Variants in MAP3K11 observed in about 807,000 individuals in gnomAD.
The protein encoded by MAP3K11 is mitogen-activated protein kinase kinase kinase 11, also known as SH3 domain-containing proline-rich kinase.
MAP3K11 carries 46 observed loss-of-function variants against 84.9 expected under a neutral mutation model. The ratio of observed to expected loss-of-function variants is 0.54; its 90% confidence interval spans 0.43 to 0.69. The LOEUF (loss-of-function observed/expected upper bound fraction) is 0.69, where lower values mean the gene tolerates loss of function less well. Among genes scored for constraint, MAP3K11 ranks in the 30% least tolerant of loss-of-function variants. The pLI, the probability that MAP3K11 is intolerant of heterozygous loss-of-function variation, is 0.00. For synonymous variants in MAP3K11, 527 were observed against 514.7 expected (o/e 1.02, Z -0.32); for missense variants, 1,053 against 1,198.3 (o/e 0.88, Z 1.79).
At chr11:65,609,843 G>T (rs1370661716) in intron 1 of MAP3K11, 1 of 152,262 alleles carries the variant, frequency 6.6e-6, no homozygotes, top group Non-Finnish European at 1.5e-5. Context: ...CAGAACCAGG[G>T]TGCTCATTTT....
intron 5 of MAP3K11, 24 bp downstream of exon 5, chr11:65,607,246 G>T (rs1439431876): frequency 6.8e-7 from 1 of 1,465,198 alleles, no homozygotes; most frequent in South Asian, 1.3e-5. Context: ...AATGGCGGGG[G>T]ACGCCCCGGG....
chr11:65,607,877 G>A, intron 3 of MAP3K11, 45 bp downstream of exon 3: 1 of 1,608,832 alleles, frequency 6.2e-7, no homozygotes. Context: ...GATGTGTCCT[G>A]GGCCAGGGAG....
At chr11:65,598,698 G>T in intron 9 of MAP3K11, 70 bp from the exon 10 acceptor site, 1 of 1,185,554 alleles carries the variant, frequency 8.4e-7, no homozygotes, top group Non-Finnish European at 1.1e-6. Flanking sequence ...ACACTGTCCT[G>T]CTCTGGGCCT....
chr11:65,599,198 T>A (rs1204492199), intron 9 of MAP3K11, among the ~76,000 whole-genome samples, 196 bp downstream of exon 9: 6 of 152,158 alleles, frequency 3.9e-5, no homozygotes, highest in African/African-American at 1.4e-4. Flanking sequence ...CGCCCCCACC[T>A]GCCTGGACCA....
intron 8 of MAP3K11, among the ~76,000 whole-genome samples, chr11:65,605,040 G>A (rs977720725): frequency 2.0e-5 from 3 of 152,166 alleles, no homozygotes; most frequent in Non-Finnish European, 4.4e-5. Flanking sequence ...AGCTCACTAC[G>A]AGAGCATTGG....
At position 65,613,786 on chromosome 11, in the gene MAP3K11, G is replaced by A; in HGVS notation, c.-30C>T. The A allele has an allele frequency of 6.6e-7, 1 of 1,506,154 alleles. No homozygotes were observed. Among genetic ancestry groups the A allele is most frequent in the Non-Finnish European group, 8.8e-7 (1 of 1,132,732 alleles). 93.3% of individuals were successfully genotyped at this position (1,506,154 alleles called of 1,614,324 possible). Reference sequence around the variant, plus strand: ...GGGAGCCGGCGCTGGGATGTGTGGAGGACCTTCTCTGGGTGCCCGTGGTCC... The same window carrying A: ...GGGAGCCGGCGCTGGGATGTGTGGAAGACCTTCTCTGGGTGCCCGTGGTCC... On this transcript the variant is annotated 5_prime_UTR_variant, in exon 1 of 10. Coordinates refer to ENST00000309100, the MANE Select transcript of MAP3K11 (RefSeq NM_002419.4).
chr11:65,605,703 C>G, intron 8 of MAP3K11, 58 bp downstream of exon 8: 7 of 1,360,580 alleles, frequency 5.1e-6, no homozygotes, highest in Non-Finnish European at 7.2e-6. Context: ...TGTGGCCTCC[C>G]CAAGGTGCCC....
chr11:65,607,843 A>G (rs1315770719), intron 3 of MAP3K11, 27 bp from the exon 4 acceptor site: 2 of 1,606,366 alleles, frequency 1.2e-6, no homozygotes, highest in Non-Finnish European at 1.7e-6. Context: ...CAGCGGGGAC[A>G]GAATAAGAAG....
Position 65,607,318 on chromosome 11 carries a change from T to C in MAP3K11, c.1441A>G (p.Ser481Gly), listed in dbSNP as rs771164223. 1 of 1,520,960 alleles carries C rather than the reference T, an allele frequency of 6.6e-7. No individual in the cohort carries two copies. 94.2% of individuals were successfully genotyped at this position (1,520,960 alleles called of 1,614,324 possible). ...CCGCCGTCGCGCGCCCGGAGCTTGC[T>C]GCGCTTGAATGTCCCGCGGCGGCGG... ...VRRRRGTFKR[S>G]KLRARDGGER... is the part of the protein sequence containing the mutation. The change falls in exon 5 of 10, where the codon AGC becomes GGC. Residue 481 changes from serine to glycine, a missense_variant. Transcript: ENST00000309100.
At position 65,607,816 on chromosome 11, in the gene MAP3K11, T is replaced by C; in HGVS notation, c.1070A>G (p.Asp357Gly). 2 of 1,609,498 alleles carry C rather than the reference T, an allele frequency of 1.2e-6. No individual in the cohort carries two copies. Among genetic ancestry groups the C allele is most frequent in the Non-Finnish European group, 1.7e-6 (2 of 1,177,182 alleles). Reference protein sequence around the residue: ...CPEPFAQLMADCWAQDPHRRP... With the variant: ...CPEPFAQLMAGCWAQDPHRRP... ...GCGGTGGGGGTCCTGCGCCCAGCAG[T>C]CTAGGGGCACGGCGTGCAGCGGGGA... Residue 357 changes from aspartate to glycine, a missense_variant and splice_region_variant, in exon 4 of 10, where the codon GAC becomes GGC. Asp to Gly is a moderately conservative substitution (Grantham distance 94, BLOSUM62 -1). Transcript: ENST00000309100.
At chr11:65,611,865 G>C (rs1590858682) in intron 1 of MAP3K11, 1 of 152,300 alleles carries the variant, frequency 6.6e-6, no homozygotes, top group Non-Finnish European at 1.5e-5. Context: ...CAGGGTTGAG[G>C]CTGAGAGGTG....
At chr11:65,606,949 C>T in intron 5 of MAP3K11, 145 bp from the exon 6 acceptor site, 1 of 605,906 alleles carries the variant, frequency 1.7e-6, no homozygotes, top group Non-Finnish European at 2.8e-6. Context: ...TCACTGCTTT[C>T]TTGAGCCCCT....
chr11:65,607,189 C>T, intron 5 of MAP3K11, 81 bp downstream of exon 5: 2 of 1,395,862 alleles, frequency 1.4e-6, no homozygotes, highest in South Asian at 3.1e-5. Context: ...AAACCAATCC[C>T]AGCGCGGTGA....
In MAP3K11 at chr11:65,606,348, CTTA is replaced by C. The variant is rs575946415; in HGVS notation, c.1604-270_1604-268del. On this transcript the variant is annotated intron_variant, in intron 6 of 9. Coordinates refer to ENST00000309100, the MANE Select transcript of MAP3K11 (RefSeq NM_002419.4). Reference sequence around the variant, plus strand: ...CCTGAGTTTGATTCTGGCTCTTCCACTTATTAACTGTGTAACAAGTTACTTTTT... The same window carrying C: ...CCTGAGTTTGATTCTGGCTCTTCCACTTAACTGTGTAACAAGTTACTTTTT... 90 of 451,768 alleles carry C rather than the reference CTTA, an allele frequency of 2.0e-4. 2 individuals carry two copies. Among genetic ancestry groups the C allele is most frequent in the African/African-American group, 1.8e-3 (87 of 49,030 alleles). The allele number at this position is 451,768 out of a possible 1,614,324, so 28.0% of individuals were successfully genotyped here. A position where few individuals can be genotyped will look rare whatever the true frequency, so the allele number is the denominator to read the frequency against.
rs1191636105 is a variant in MAP3K11, at chr11:65,613,722, G to C, written c.35C>G (p.Pro12Arg). 1.3e-6 allele frequency: 2 copies of C among 1,588,732 alleles called. No individual in the cohort carries two copies. The highest frequency in any genetic ancestry group is 2.3e-5 in the South Asian group (2 of 88,630). The stretch of plus-strand genomic sequence containing the variant: ...GCCACTGCCATTCCATGACCCTAGA[G>C]GGCTCTTGAGGAAGAGGCTCTTCAA... ...EPLKSLFLKS[P>R]LGSWNGSGSG... is the part of the protein sequence containing the mutation. Residue 12 changes from proline to arginine, a missense_variant, in exon 1 of 10, where the codon CCT becomes CGT. Transcript: ENST00000309100.
Position 65,599,784 on chromosome 11 carries a change from G to A in MAP3K11, c.1832-16C>T, listed in dbSNP as rs774420703. The A allele has an allele frequency of 1.3e-6, 2 of 1,590,862 alleles. No individual in the cohort carries two copies. Among genetic ancestry groups the A allele is most frequent in the East Asian group, 2.2e-5 (1 of 44,574 alleles). ...GGGGGGTTACCTGCGGGCAGAGGCG[G>A]CACAGGTGAGGGTGTGGCTGGTGCA... is the stretch of plus-strand genomic sequence containing the variant. On this transcript the variant is annotated splice_polypyrimidine_tract_variant and intron_variant, in intron 8 of 9. Coordinates refer to ENST00000309100, the MANE Select transcript of MAP3K11 (RefSeq NM_002419.4).
Position 65,599,750 on chromosome 11 carries a change from C to A in MAP3K11, c.1850G>T (p.Ser617Ile), listed in dbSNP as rs1223774168. The stretch of plus-strand genomic sequence containing the variant: ...CCTCTTGGGCTCCTCGGGCTCCAGG[C>A]TAGGCCGCGGGGGGTTACCTGCGGG... Reference protein sequence around the residue: ...PALNGNPPRPSLEPEEPKRPV... With the variant: ...PALNGNPPRPILEPEEPKRPV... Residue 617 changes from serine to isoleucine, a missense_variant, in exon 9 of 10, where the codon AGC becomes ATC. By Grantham distance (142) the Ser-to-Ile change is moderately radical. Around this residue, in one of 3 missense-constraint regions of MAP3K11, gnomAD observed 583 missense variants for 566.6 expected, o/e 1.03. Transcript: ENST00000309100. The A allele has an allele frequency of 6.3e-7, 1 of 1,593,028 alleles. No homozygotes were observed. Among genetic ancestry groups the A allele is most frequent in the Admixed American group, 1.7e-5 (1 of 59,114 alleles).
intron 5 of MAP3K11, 39 bp from the exon 6 acceptor site, chr11:65,606,843 G>T: frequency 1.4e-6 from 2 of 1,388,642 alleles, no homozygotes; most frequent in Non-Finnish European, 2.0e-6. Flanking sequence ...TCAGGTTTGT[G>T]ATGAAGTAGA....
intron 6 of MAP3K11, 66 bp downstream of exon 6, chr11:65,606,625 A>C: frequency 8.0e-7 from 1 of 1,245,168 alleles, no homozygotes; most frequent in East Asian, 2.7e-5. Flanking sequence ...CGCCTCCAAG[A>C]ATAAGGTCTG....
Sources: gnomAD v4.1 joint callset for allele counts (sites outside exome capture counted in the v4.1 genomes callset) on GRCh38, gnomAD v4.1.1 for gene constraint, gnomAD v4.1.1 regional missense constraint, MANE v1.5 for transcripts, NCBI Gene and HGNC (gene_info 2026-07-23, HGNC 2026-07-21) for gene names.